INTS14: variants seen among roughly 807,000 people sequenced by gnomAD.
The protein encoded by INTS14 is UPF0464 protein C15orf44.
INTS14 carries 27 observed loss-of-function variants against 56.9 expected under a neutral mutation model. That is an observed-to-expected ratio of 0.47 (90% CI 0.35 to 0.65). The LOEUF (loss-of-function observed/expected upper bound fraction) is 0.65. Among genes scored for constraint, INTS14 ranks in the 30% least tolerant of loss-of-function variants. The pLI, the probability that INTS14 is intolerant of heterozygous loss-of-function variation, is 0.00. For synonymous variants in INTS14, 207 were observed against 236.2 expected, an observed-to-expected ratio of 0.88 and a Z score of 1.13; for missense variants, 517 against 632.2, an observed-to-expected ratio of 0.82 and a Z score of 1.95.
At chr15:65,598,671 C>G (rs2073307309) in intron 5 of INTS14, 1 of 711,042 alleles carries the variant, frequency 1.4e-6, no homozygotes, top group African/African-American at 1.8e-5. Context: ...TTTGCTGAGT[C>G]ATTATAAGGA....
At position 65,598,937 on chromosome 15, in the gene INTS14, A is replaced by G; in HGVS notation, c.540T>C (p.Asn180=). The change falls in exon 5 of 12, where the codon AAT becomes AAC. Residue 180 remains asparagine, a synonymous_variant. Coordinates refer to ENST00000313182, the MANE Select transcript of INTS14 (RefSeq NM_001394796.1). The stretch of plus-strand genomic sequence containing the variant: ...CAATAGTAAAAATCTGCCCTTCACC[A>G]TTGTTTAAATCTATGAGACGTTCAA... ...ECLERLIDLN[N]GEGQIFTIDG... The G allele has an allele frequency of 6.2e-7, 1 of 1,614,034 alleles. No individual in the cohort carries two copies. The highest frequency in any genetic ancestry group is 8.5e-7 in the Non-Finnish European group (1 of 1,179,952).
At chr15:65,590,909 TGAG>T (rs1040814949) in intron 9 of INTS14, among the ~76,000 whole-genome samples, 4 of 152,088 alleles carry the variant, frequency 2.6e-5, no homozygotes, top group African/African-American at 9.7e-5. Context: ...AGGAATAGTT[TGAG>T]GAGAAAGGGG....
At chr15:65,595,661 C>T (rs977945374) in intron 7 of INTS14, 72 bp downstream of exon 7, 16 of 1,248,344 alleles carry the variant, frequency 1.3e-5, no homozygotes, top group Middle Eastern at 1.9e-4. Flanking sequence ...ATGGGCTATC[C>T]TACTATCTAA....
chr15:65,599,993 A>T (rs967009369), intron 3 of INTS14, 64 bp from the exon 4 acceptor site: 22 of 1,537,284 alleles, frequency 1.4e-5, no homozygotes, highest in Non-Finnish European at 1.8e-5. Context: ...AGTCCCATTT[A>T]GCAGTGTTTT....
At chr15:65,597,722 G>A (rs78667238) in intron 6 of INTS14, among the ~76,000 whole-genome samples, 1 of 152,304 alleles carries the variant, frequency 6.6e-6, no homozygotes, top group East Asian at 1.9e-4. Flanking sequence ...GCAAAGTATA[G>A]AAGCTAGCCC....
chr15:65,599,400 C>T (rs75381442), intron 4 of INTS14: 11,465 of 187,992 alleles, frequency 0.061, 378 homozygotes, highest in African/African-American at 0.09. Context: ...TTTAATAAAA[C>T]GTGTATCAGA....
At chr15:65,592,207 C>A (rs1290857309) in intron 8 of INTS14, among the ~76,000 whole-genome samples, 2 of 152,202 alleles carry the variant, frequency 1.3e-5, no homozygotes, top group African/African-American at 4.8e-5. Context: ...CAGACCAGTA[C>A]AAGTAGCTTG....
chr15:65,593,671 G>A (rs2073110998), intron 7 of INTS14, 99 bp from the exon 8 acceptor site: 3 of 1,393,482 alleles, frequency 2.2e-6, no homozygotes, highest in South Asian at 1.6e-5. Context: ...AAGGGATAGT[G>A]TAGAGTTCTA....
chr15:65,602,444 T>C (rs575723911), intron 3 of INTS14, among the ~76,000 whole-genome samples: 27 of 151,896 alleles, frequency 1.8e-4, no homozygotes, highest in Admixed American at 3.3e-4. Context: ...GACACCACAC[T>C]TAGCTAATTT....
At chr15:65,593,382 A>G in intron 8 of INTS14, 46 bp downstream of exon 8, 1 of 1,571,380 alleles carries the variant, frequency 6.4e-7, no homozygotes, top group Non-Finnish European at 8.6e-7. Context: ...CACTTTGTAA[A>G]ATGATTTTCC....
intron 2 of INTS14, among the ~76,000 whole-genome samples, chr15:65,605,515 A>G (rs2073611523): frequency 6.6e-6 from 1 of 152,254 alleles, no homozygotes; most frequent in Non-Finnish European, 1.5e-5. Context: ...AAAAATTAAA[A>G]GGAACTTTTA....
intron 1 of INTS14, among the ~76,000 whole-genome samples, chr15:65,610,082 A>C (rs1013530758): frequency 6.6e-6 from 1 of 151,858 alleles, no homozygotes; most frequent in Non-Finnish European, 1.5e-5. Flanking sequence ...GATTAAAAAA[A>C]AAAAAGGCCA....
At position 65,594,950 on chromosome 15, in the gene INTS14, T is replaced by A. The variant is rs142475042; in HGVS notation, c.841+783A>T. Among the ~76,000 whole-genome samples, 228 of 152,290 alleles carry A rather than the reference T, an allele frequency of 1.5e-3. 2 individuals are homozygous for A. Among genetic ancestry groups the A allele is most frequent in the East Asian group, 3.3e-3 (17 of 5,178 alleles). On this transcript the variant is annotated intron_variant, in intron 7 of 11. Transcript: ENST00000313182. The stretch of plus-strand genomic sequence containing the variant: ...ATCCAATACTCCAACTGAGATAACC[T>A]GGGCATAAATGGGATGTGGTCATTA...
chr15:65,604,195 G>A (rs1375020651), intron 3 of INTS14, among the ~76,000 whole-genome samples: 1 of 152,080 alleles, frequency 6.6e-6, no homozygotes, highest in Admixed American at 6.5e-5. Context: ...TGATTCTCCC[G>A]CCTCAGCCTC....
chr15:65,599,871 A>T lies in INTS14; in HGVS notation c.389T>A (p.Leu130Gln), dbSNP rs1285241717. 2 of 1,614,120 alleles carry T rather than the reference A, an allele frequency of 1.2e-6. No homozygotes were observed. The highest frequency in any genetic ancestry group is 2.7e-5 in the African/African-American group (2 of 74,952). ...CTCACTTCGTTGATTTTGAGTGGCT[A>T]GGGAATGTCGCAGTGACCCTCTACC... is the stretch of plus-strand genomic sequence containing the variant. The part of the protein sequence containing the change: ...GIGRGSLRHS[L>Q]ATQNQRSESN... Residue 130 changes from leucine (L) to glutamine (Q), a missense_variant, in exon 4 of 12, where the codon CTA becomes CAA. Leu to Gln is a moderately radical substitution (Grantham distance 113, BLOSUM62 -2). Coordinates refer to ENST00000313182, the MANE Select transcript of INTS14 (RefSeq NM_001394796.1).
intron 1 of INTS14, chr15:65,610,754 A>T (rs2073893912): frequency 6.5e-7 from 1 of 1,535,590 alleles, no homozygotes; most frequent in African/African-American, 1.4e-5. Flanking sequence ...TTCATCTCTA[A>T]AAGTCCAGAC....
At chr15:65,591,320 A>G (rs943548991) in intron 9 of INTS14, among the ~76,000 whole-genome samples, 6 of 152,226 alleles carry the variant, frequency 3.9e-5, no homozygotes, top group Non-Finnish European at 8.8e-5. Context: ...ATAGTACACC[A>G]AGAAAAAAAA....
rs531666683 is a variant in INTS14 at position 65,581,822 on chromosome 15, T to C, written c.1305+132A>G. The C allele has an allele frequency of 9.2e-6, 8 of 870,110 alleles. No homozygotes were observed. The East Asian group carries it at 2.1e-4, about 23-fold the overall frequency. The allele number at this position is 870,110 out of a possible 1,614,324, so 53.9% of individuals were successfully genotyped here. On this transcript the variant is annotated intron_variant, in intron 11 of 11. Coordinates refer to ENST00000313182, the MANE Select transcript of INTS14 (RefSeq NM_001394796.1). Reference sequence around the variant, plus strand: ...AGGGAAGGAACAGACCTATCACTTTTACTGAGTTTATTTGAAAAAACTGAG... The same window carrying C: ...AGGGAAGGAACAGACCTATCACTTTCACTGAGTTTATTTGAAAAAACTGAG...
chr15:65,585,334 T>A (rs1306495617), intron 9 of INTS14, among the ~76,000 whole-genome samples: 1 of 152,202 alleles, frequency 6.6e-6, no homozygotes, highest in Non-Finnish European at 1.5e-5. Context: ...ACTTGCCCTG[T>A]GGCTAGTGTG....
Sources: allele counts gnomAD v4.1 joint callset (sites outside exome capture counted in the v4.1 genomes callset), GRCh38; gene constraint gnomAD v4.1.1; transcripts MANE v1.5; gene names NCBI Gene and HGNC (gene_info 2026-07-23, HGNC 2026-07-21).